ANKLE1: variants seen among roughly 807,000 people sequenced by gnomAD.
The protein encoded by ANKLE1 is ankyrin repeat and LEM domain containing 1.
In ANKLE1, 59 loss-of-function variants were observed where a neutral mutation model predicts 56.2. The ratio of observed to expected loss-of-function variants is 1.05; its 90% CI spans 0.85 to 1.30. The LOEUF is 1.30. Ranked by LOEUF, ANKLE1 falls within the 50% of genes most tolerant of loss-of-function variation. ANKLE1 has a pLI of 0.00. For synonymous variants in ANKLE1, 341 were observed against 352.9 expected, an observed-to-expected ratio of 0.97 and a Z score of 0.38; for missense variants, 771 against 816.1, an observed-to-expected ratio of 0.94 and a Z score of 0.67.
Position 17,286,769 on chromosome 19 carries a change from T to G in ANKLE1, c.*217T>G. On this transcript the variant is annotated 3_prime_UTR_variant, in exon 9 of 9. Coordinates refer to ENST00000404085, the MANE Select transcript of ANKLE1 (RefSeq NM_152363.6). ...TGAGAGAGGACTTTGTTACAGATGG[T>G]ACTGCTGGAGAGGTAGTAAGTAGTG... is the stretch of plus-strand genomic sequence containing the variant. 6.3e-6 allele frequency: 9 copies of G among 1,419,948 alleles called. No individual in the cohort carries two copies. The highest frequency in any genetic ancestry group is 8.3e-6 in the Non-Finnish European group (9 of 1,082,680). The allele number at this position is 1,419,948 out of a possible 1,614,324, so 88.0% of individuals were successfully genotyped here. A position where few individuals can be genotyped will look rare whatever the true frequency, so the allele number is the denominator to read the frequency against.
In ANKLE1 at chr19:17,286,556, C is replaced by T; in HGVS notation, c.*4C>T. 6.2e-7 allele frequency: 1 copy of T among 1,600,038 alleles called. No individual in the cohort carries two copies. Among genetic ancestry groups the T allele is most frequent in the Non-Finnish European group, 8.5e-7 (1 of 1,174,042 alleles). The stretch of plus-strand genomic sequence containing the variant: ...GGACATCCAGGCCCGGGGCTGAGTG[C>T]TGGGGAGTTGGCCATCCAGCCTGGG... On this transcript the variant is annotated 3_prime_UTR_variant, in exon 9 of 9. Coordinates refer to ENST00000404085, the MANE Select transcript of ANKLE1 (RefSeq NM_152363.6).
chr19:17,285,008 C>T (rs2074016214), intron 6 of ANKLE1, among the ~76,000 whole-genome samples: 1 of 151,830 alleles, frequency 6.6e-6, no homozygotes, highest in African/African-American at 2.4e-5. Flanking sequence ...GCCTGTAATA[C>T]CAGCACTTTG....
Position 17,284,207 on chromosome 19 carries a change from C to G in ANKLE1, c.1317C>G (p.Ala439=). The G allele has an allele frequency of 6.2e-7, 1 of 1,613,826 alleles. No individual in the cohort carries two copies. Among genetic ancestry groups the G allele is most frequent in the Non-Finnish European group, 8.5e-7 (1 of 1,179,874 alleles). The change falls in exon 6 of 9, where the codon GCC becomes GCG. Residue 439 remains alanine (A), a synonymous_variant. Coordinates refer to ENST00000404085, the MANE Select transcript of ANKLE1 (RefSeq NM_152363.6). The part of the protein sequence containing the change: ...LAQQFEQPDP[A]RRWREGVVKS... ...AGCAGTTTGAGCAGCCAGATCCTGCCAGGAGGTGGCGGGAGGGGGTCGTGA... is the reference window on the plus strand; with the variant it reads ...AGCAGTTTGAGCAGCCAGATCCTGCGAGGAGGTGGCGGGAGGGGGTCGTGA...
chr19:17,285,523 G>A lies in ANKLE1; in HGVS notation c.1469G>A (p.Gly490Glu), dbSNP rs763275647. 2.5e-5 allele frequency: 41 copies of A among 1,613,796 alleles called. No individual in the cohort carries two copies. The highest frequency in any genetic ancestry group is 3.3e-4 in the Middle Eastern group (2 of 6,084). ...FIRAIFYVGK[G>E]TRARPYVHLW... Reference sequence around the variant, plus strand: ...CGTGCCATCTTCTACGTGGGCAAAGGGACGAGGGCCCGGCCATATGTCCAC... The same window carrying A: ...CGTGCCATCTTCTACGTGGGCAAAGAGACGAGGGCCCGGCCATATGTCCAC... The change falls in exon 7 of 9, where the codon GGG becomes GAG. Residue 490 changes from glycine to glutamate, a missense_variant. Physicochemically the swap from Gly to Glu is moderately conservative, Grantham distance 98. Coordinates refer to ENST00000404085, the MANE Select transcript of ANKLE1 (RefSeq NM_152363.6).
At position 17,282,061 on chromosome 19, in the gene ANKLE1, G is replaced by T. The variant is rs1311349259; in HGVS notation, c.67G>T (p.Val23Leu). 1 of 1,539,054 alleles carries T rather than the reference G, an allele frequency of 6.5e-7. No individual in the cohort carries two copies. The highest frequency in any genetic ancestry group is 1.4e-5 in the African/African-American group (1 of 73,136). The stretch of plus-strand genomic sequence containing the variant: ...CTCTGACCGCGGTGTTTGCAGGGCA[G>T]TAGAGGAGCTGCTGCGCTGCGGCGC... Reference protein sequence around the residue: ...DALREEEPWAVEELLRCGADP... With the variant: ...DALREEEPWALEELLRCGADP... The change falls in exon 2 of 9, where the codon GTA (valine) becomes TTA (leucine). Residue 23 changes from valine (V) to leucine (L), a missense_variant. Transcript: ENST00000404085.
chr19:17,285,856 A>G, intron 8 of ANKLE1, 37 bp downstream of exon 8: 1 of 1,609,462 alleles, frequency 6.2e-7, no homozygotes, highest in Non-Finnish European at 8.5e-7. Context: ...GTCATATGAA[A>G]GGCATTTGGC....
At chr19:17,284,684 C>CTTTTTTTTTT (rs67967763) in intron 6 of ANKLE1, among the ~76,000 whole-genome samples, 7 of 91,926 alleles carry the variant, frequency 7.6e-5, no homozygotes, top group African/African-American at 1.7e-4. Flanking sequence ...GCACCGGCCT[C>CTTTTTTTTTT]TTTTTTTTTT....
At chr19:17,285,201 G>A (rs377190173) in intron 6 of ANKLE1, among the ~76,000 whole-genome samples, 33 of 151,748 alleles carry the variant, frequency 2.2e-4, no homozygotes, top group East Asian at 1.8e-3. Flanking sequence ...GGAGATTGCA[G>A]TGAACTGAGA....
At position 17,286,883 on chromosome 19, in the gene ANKLE1, G is replaced by C; in HGVS notation, c.*331G>C. On this transcript the variant is annotated 3_prime_UTR_variant, in exon 9 of 9. Transcript: ENST00000404085. ...TTCTGTAAGAGGCGTTTGAACCTGG[G>C]CAACTCCACCTGGAATAGGAGCTGG... 9.7e-7 allele frequency: 1 copy of C among 1,033,570 alleles called. No homozygotes were observed. The highest frequency in any genetic ancestry group is 1.2e-6 in the Non-Finnish European group (1 of 828,976). The allele number at this position is 1,033,570 out of a possible 1,614,324, so 64.0% of individuals were successfully genotyped here.
Position 17,285,818 on chromosome 19 carries a change from A to G in ANKLE1, c.1674A>G (p.Leu558=). The G allele has an allele frequency of 1.2e-6, 2 of 1,613,412 alleles. No individual in the cohort carries two copies. The highest frequency in any genetic ancestry group is 1.7e-6 in the Non-Finnish European group (2 of 1,179,832). ...GGGAGGCGTGTATTGTGGAAGCCCT[A>G]GGTGGGTGCCTGGTACCTAGAATGG... ...YTREACIVEA[L]GIQTLTNQKQ... The change falls in exon 8 of 9, where the codon CTA becomes CTG. Residue 558 remains leucine, a splice_region_variant and synonymous_variant. Coordinates refer to ENST00000404085, the MANE Select transcript of ANKLE1 (RefSeq NM_152363.6).
At position 17,283,703 on chromosome 19, in the gene ANKLE1, A is replaced by G; in HGVS notation, c.939A>G (p.Gly313=). The G allele has an allele frequency of 6.2e-7, 1 of 1,613,438 alleles. No individual in the cohort carries two copies. The highest frequency in any genetic ancestry group is 1.1e-5 in the South Asian group (1 of 91,072). Residue 313 remains glycine (G), a synonymous_variant, in exon 5 of 9, where the codon GGA becomes GGG. Transcript: ENST00000404085. ...AHSPPRTPTP[G]ASDCHCLWEH... is the part of the protein sequence containing the mutation. ...GCCCCCCACGGACACCAACCCCTGG[A>G]GCTTCTGACTGCCACTGCCTGTGGG... is the stretch of plus-strand genomic sequence containing the variant.
chr19:17,284,193 C>A lies in ANKLE1; in HGVS notation c.1303C>A (p.Gln435Lys), dbSNP rs560635345. The A allele has an allele frequency of 7.4e-6, 12 of 1,613,794 alleles. No individual in the cohort carries two copies. Among genetic ancestry groups the A allele is most frequent in the Non-Finnish European group, 1.0e-5 (12 of 1,179,864 alleles). The change falls in exon 6 of 9, where the codon CAG becomes AAG. Residue 435 changes from glutamine to lysine, a missense_variant. By Grantham distance (53) the Gln-to-Lys change is moderately conservative. Transcript: ENST00000404085. ...DEDALAQQFE[Q>K]PDPARRWREG... The stretch of plus-strand genomic sequence containing the variant: ...AGACGCGCTGGCCCAGCAGTTTGAG[C>A]AGCCAGATCCTGCCAGGAGGTGGCG...
Position 17,282,143 on chromosome 19 carries a change from C to G in ANKLE1, c.149C>G (p.Ala50Gly), listed in dbSNP as rs2073980016. ...GAAAVHLAAG[A>G]RHPRGLRCLG... ...GCGGCTGTGCACTTGGCGGCCGGAG[C>G]CCGGCACCCGCGCGGCCTGCGTTGC... The change falls in exon 2 of 9, where the codon GCC becomes GGC. Residue 50 changes from alanine (A) to glycine (G), a missense_variant. Ala to Gly is a moderately conservative substitution (Grantham distance 60, BLOSUM62 0). Coordinates refer to ENST00000404085, the MANE Select transcript of ANKLE1 (RefSeq NM_152363.6). 7.8e-6 allele frequency: 12 copies of G among 1,538,406 alleles called. No homozygotes were observed. The highest frequency in any genetic ancestry group is 1.0e-5 in the Non-Finnish European group (12 of 1,145,368).
chr19:17,283,697 C>T lies in ANKLE1; in HGVS notation c.933C>T (p.Thr311=), dbSNP rs1332905614. ...CTCATAGCCCCCCACGGACACCAAC[C>T]CCTGGAGCTTCTGACTGCCACTGCC... ...SPAHSPPRTP[T]PGASDCHCLW... The change falls in exon 5 of 9, where the codon ACC becomes ACT. Residue 311 remains threonine, a synonymous_variant. Coordinates refer to ENST00000404085, the MANE Select transcript of ANKLE1 (RefSeq NM_152363.6). 1.9e-6 allele frequency: 3 copies of T among 1,613,640 alleles called. No individual in the cohort carries two copies. The highest frequency in any genetic ancestry group is 2.5e-6 in the Non-Finnish European group (3 of 1,179,896).
Position 17,283,464 on chromosome 19 carries a change from G to T in ANKLE1, c.700G>T (p.Ala234Ser), listed in dbSNP as rs2073997760. Residue 234 changes from alanine (A) to serine (S), a missense_variant, in exon 5 of 9, where the codon GCC becomes TCC. Coordinates refer to ENST00000404085, the MANE Select transcript of ANKLE1 (RefSeq NM_152363.6). ...TGAGGTCTCTGGAGCTGAGGACCCA[G>T]CCTCGGACACTCCCCCCTGGGCTGG... ...AVEVSGAEDP[A>S]SDTPPWAGSL... 2 of 1,612,898 alleles carry T rather than the reference G, an allele frequency of 1.2e-6. No individual in the cohort carries two copies. Among genetic ancestry groups the T allele is most frequent in the South Asian group, 2.2e-5 (2 of 91,076 alleles).
In ANKLE1 at chr19:17,285,791, A is replaced by C; in HGVS notation, c.1647A>C (p.Thr549=). 6.2e-7 allele frequency: 1 copy of C among 1,613,754 alleles called. No individual in the cohort carries two copies. Among genetic ancestry groups the C allele is most frequent in the Admixed American group, 1.7e-5 (1 of 59,978 alleles). Residue 549 remains threonine (T), a synonymous_variant, in exon 8 of 9, where the codon ACA becomes ACC. Transcript: ENST00000404085. ...FQHVVAVEAY[T]REACIVEALG... The stretch of plus-strand genomic sequence containing the variant: ...ACGTGGTCGCTGTGGAGGCTTATAC[A>C]CGGGAGGCGTGTATTGTGGAAGCCC...
Position 17,284,079 on chromosome 19 carries a change from T to C in ANKLE1, c.1199-10T>C. On this transcript the variant is annotated splice_polypyrimidine_tract_variant and intron_variant, in intron 5 of 8. Transcript: ENST00000404085. ...GAATCATCCCTTCCTCCATCTCCCT[T>C]GACTTCCAGGCCCAGAGTTTTCAGG... 6.2e-6 allele frequency: 10 copies of C among 1,612,760 alleles called. No individual in the cohort carries two copies. The highest frequency in any genetic ancestry group is 6.8e-6 in the Non-Finnish European group (8 of 1,178,934).
In ANKLE1 at chr19:17,283,414, C is replaced by CA. The variant is rs1568340752; in HGVS notation, c.651dup (p.Asp218ArgfsTer9). 3 of 1,613,682 alleles carry CA rather than the reference C, an allele frequency of 1.9e-6. No homozygotes were observed. The highest frequency in any genetic ancestry group is 2.5e-6 in the Non-Finnish European group (3 of 1,179,878). ...CCTCCAGGGCACTGGGATTACAGCT[C>CA]AGACGCCTCTTTCGTCACAGCGGTT... On this transcript the variant is annotated frameshift_variant, in exon 5 of 9. Coordinates refer to ENST00000404085, the MANE Select transcript of ANKLE1 (RefSeq NM_152363.6). LOFTEE classifies it high-confidence loss of function.
chr19:17,286,824 GGGAAGCAGAA>G lies in ANKLE1; in HGVS notation c.*275_*284del. 3.1e-6 allele frequency: 4 copies of G among 1,301,610 alleles called. No homozygotes were observed. The highest frequency in any genetic ancestry group is 3.9e-6 in the Non-Finnish European group (4 of 1,018,964). 80.6% of individuals were successfully genotyped at this position (1,301,610 alleles called of 1,614,324 possible). A position where few individuals can be genotyped will look rare whatever the true frequency, so the allele number is the denominator to read the frequency against. Reference sequence around the variant, plus strand: ...CCCCATCGTGGGAGGAGGACAAGAAGGGAAGCAGAAGGTGCTTTGGAACAGTCCGGTGCTT... The same window carrying G: ...CCCCATCGTGGGAGGAGGACAAGAAGGGTGCTTTGGAACAGTCCGGTGCTT... On this transcript the variant is annotated 3_prime_UTR_variant, in exon 9 of 9. Transcript: ENST00000404085.
Sources: gnomAD v4.1 joint callset for allele counts (sites outside exome capture counted in the v4.1 genomes callset) on GRCh38, gnomAD v4.1.1 for gene constraint, MANE v1.5 for transcripts, NCBI Gene and HGNC (gene_info 2026-07-23, HGNC 2026-07-21) for gene names.